Variants in TASP1 observed in about 807,000 individuals in gnomAD.
TASP1 encodes taspase 1.
Under a neutral mutation model 56.6 loss-of-function variants are expected in TASP1, and 16 were observed. The observed-to-expected ratio is 0.28, with a 90% CI of 0.19 to 0.43. TASP1 has a LOEUF of 0.43. Among genes scored for constraint, TASP1 ranks in the 20% least tolerant of loss-of-function variants. TASP1 has a pLI of 1.00. For synonymous variants in TASP1, 179 were observed against 184.2 expected (o/e 0.97, Z 0.23); for missense variants, 393 against 511.6 (o/e 0.77, Z 2.24).
At chr20:13,497,251 C>T (rs1393546906) in intron 10 of TASP1, among the ~76,000 whole-genome samples, 2 of 152,154 alleles carry the variant, frequency 1.3e-5, no homozygotes, top group Non-Finnish European at 2.9e-5. Context: ...GAAGAGCCAA[C>T]CTGGATGCAG....
the TASP1 span, among the ~76,000 whole-genome samples, chr20:13,292,833 C>G: frequency 6.6e-6 from 1 of 152,148 alleles, no homozygotes; most frequent in African/African-American, 2.4e-5. Context: ...GCCCTCAGTT[C>G]TCCAGCAGAG....
chr20:13,466,473 G>A (rs185095630), intron 11 of TASP1, among the ~76,000 whole-genome samples: 115 of 152,218 alleles, frequency 7.6e-4, no homozygotes, highest in Middle Eastern at 3.4e-3. Flanking sequence ...CTGGCTGGGC[G>A]TGGTGGCTTG....
chr20:13,630,173 A>T (rs1440710366), intron 1 of TASP1, 21 bp from the exon 2 acceptor site: 1 of 1,334,694 alleles, frequency 7.5e-7, no homozygotes, highest in Non-Finnish European at 1.0e-6. Flanking sequence ...ACAGGCAAAG[A>T]TGGTATACAT....
the TASP1 span, among the ~76,000 whole-genome samples, chr20:13,225,038 A>G: frequency 6.7e-6 from 1 of 148,354 alleles, no homozygotes; most frequent in Non-Finnish European, 1.5e-5. Flanking sequence ...TATTTTTAGT[A>G]GAGACGGGGT....
the TASP1 span, among the ~76,000 whole-genome samples, chr20:13,110,602 C>T: frequency 2.0e-5 from 3 of 152,196 alleles, no homozygotes; most frequent in East Asian, 3.9e-4. Context: ...ATGGGTGGCC[C>T]GGATGCCCCT....
intron 10 of TASP1, among the ~76,000 whole-genome samples, chr20:13,511,526 C>A (rs1460647030): frequency 6.6e-6 from 1 of 152,150 alleles, no homozygotes; most frequent in African/African-American, 2.4e-5. Flanking sequence ...ATCAAAACTA[C>A]ACCAATCCAA....
In TASP1 at chr20:13,446,045, T is replaced by C. The variant is rs375966441; in HGVS notation, c.986-10891A>G. ...AAGTCATCTATGATATGATAATCAA[T>C]AAACAATCAATGTTAGAAGGGAAAA... On this transcript the variant is annotated intron_variant, in intron 11 of 13. Coordinates refer to ENST00000337743, the MANE Select transcript of TASP1 (RefSeq NM_017714.3). 2.0e-5 allele frequency among the ~76,000 whole-genome samples: 3 copies of C among 152,204 alleles called. No homozygotes were observed. In the East Asian group the frequency reaches 5.8e-4, roughly 29 times the overall value.
chr20:13,297,767 A>C, the TASP1 span, among the ~76,000 whole-genome samples: 1 of 152,238 alleles, frequency 6.6e-6, no homozygotes, highest in Non-Finnish European at 1.5e-5. Flanking sequence ...GGAATAACCT[A>C]ATTCTTAAAT....
intron 4 of TASP1, among the ~76,000 whole-genome samples, chr20:13,613,134 A>G (rs1179957578): frequency 6.6e-6 from 1 of 152,214 alleles, no homozygotes; most frequent in Non-Finnish European, 1.5e-5. Flanking sequence ...AATATGGACA[A>G]TAATAGAGAT....
At chr20:13,332,817 T>C in the TASP1 span, among the ~76,000 whole-genome samples, 1 of 152,248 alleles carries the variant, frequency 6.6e-6, no homozygotes, top group South Asian at 2.1e-4. Context: ...TTCTTCTTTC[T>C]GCATTCAAAG....
At chr20:13,161,719 G>A in the TASP1 span, among the ~76,000 whole-genome samples, 67 of 152,112 alleles carry the variant, frequency 4.4e-4, no homozygotes, top group African/African-American at 1.6e-3. Context: ...GGAACTTGAT[G>A]TTCCATAGAG....
At chr20:13,307,577 G>GC in the TASP1 span, among the ~76,000 whole-genome samples, 1 of 152,054 alleles carries the variant, frequency 6.6e-6, no homozygotes, top group South Asian at 2.1e-4. Context: ...GCACTCCCAT[G>GC]CCCCCGTCCA....
intron 8 of TASP1, among the ~76,000 whole-genome samples, chr20:13,555,382 TAAAAAAAAAAA>T (rs59279659): frequency 2.0e-5 from 2 of 99,352 alleles, no homozygotes; most frequent in Non-Finnish European, 3.8e-5. Flanking sequence ...AGACTCCCTC[TAAAAAAAAAAA>T]AAAAAAAAAA....
intron 11 of TASP1, among the ~76,000 whole-genome samples, chr20:13,456,502 T>C (rs2146322925): frequency 6.6e-6 from 1 of 152,296 alleles, no homozygotes; most frequent in Non-Finnish European, 1.5e-5. Flanking sequence ...ATTCTTCAAT[T>C]AATGATGTAA....
chr20:13,420,042 T>C (rs1238900546), intron 12 of TASP1, among the ~76,000 whole-genome samples: 1 of 152,182 alleles, frequency 6.6e-6, no homozygotes, highest in African/African-American at 2.4e-5. Context: ...TTTATTCAAA[T>C]ACAAAGTTAA....
chr20:13,211,069 G>A, the TASP1 span, among the ~76,000 whole-genome samples: 1 of 152,060 alleles, frequency 6.6e-6, no homozygotes, highest in Admixed American at 6.6e-5. Flanking sequence ...CAAGGAGAAA[G>A]GCAACACCTG....
intron 10 of TASP1, among the ~76,000 whole-genome samples, chr20:13,501,916 T>C (rs1475969892): frequency 1.3e-5 from 2 of 151,954 alleles, no homozygotes; most frequent in Non-Finnish European, 1.5e-5. Context: ...CAAAGCAAAT[T>C]ATCCAGAGAC....
the TASP1 span, among the ~76,000 whole-genome samples, chr20:13,334,610 G>C: frequency 6.6e-6 from 1 of 152,062 alleles, no homozygotes; most frequent in African/African-American, 2.4e-5. Flanking sequence ...AGTACACATA[G>C]GCTATGAGAA....
the TASP1 span, among the ~76,000 whole-genome samples, chr20:13,376,801 G>T: frequency 6.6e-6 from 1 of 152,118 alleles, no homozygotes; most frequent in Non-Finnish European, 1.5e-5. Context: ...CACAACCCTT[G>T]TAAGTTGTAT....
Sources: allele counts gnomAD v4.1 joint callset (sites outside exome capture counted in the v4.1 genomes callset), GRCh38; gene constraint gnomAD v4.1.1; transcripts MANE v1.5; gene names NCBI Gene and HGNC (gene_info 2026-07-23, HGNC 2026-07-21).